Variants in BTLA observed in about 807,000 individuals in gnomAD.
BTLA encodes the protein B- and T-lymphocyte attenuator.
BTLA carries 11 observed loss-of-function variants against 25.0 expected under a neutral mutation model. The ratio of observed to expected loss-of-function variants is 0.44; its 90% CI spans 0.28 to 0.73. The LOEUF (loss-of-function observed/expected upper bound fraction) is 0.73, where lower values mean the gene tolerates loss of function less well. Ranked by LOEUF, BTLA falls within the 30% of genes least tolerant of loss-of-function variation. BTLA has a pLI of 0.15. For synonymous variants in BTLA, 104 were observed against 119.8 expected, an observed-to-expected ratio of 0.87 and a Z score of 0.86; for missense variants, 282 against 332.8, an observed-to-expected ratio of 0.85 and a Z score of 1.19.
chr3:112,475,056 GA>G (rs1430762786), intron 2 of BTLA, among the ~76,000 whole-genome samples: 1 of 152,200 alleles, frequency 6.6e-6, no homozygotes, highest in Non-Finnish European at 1.5e-5. Context: ...TAAAGACAAA[GA>G]GTCCAATCAT....
At chr3:112,489,650 C>T (rs374528210) in intron 1 of BTLA, among the ~76,000 whole-genome samples, 5 of 152,150 alleles carry the variant, frequency 3.3e-5, no homozygotes, top group African/African-American at 9.7e-5. Flanking sequence ...TGATTACTAA[C>T]GGTATAATAA....
At chr3:112,494,758 T>C (rs934622310) in intron 1 of BTLA, among the ~76,000 whole-genome samples, 12 of 151,152 alleles carry the variant, frequency 7.9e-5, no homozygotes, top group African/African-American at 2.7e-4. Context: ...TGTTGGGGAG[T>C]AGGGGGAGAG....
chr3:112,495,566 T>A (rs1398179553), intron 1 of BTLA, among the ~76,000 whole-genome samples: 1 of 152,238 alleles, frequency 6.6e-6, no homozygotes, highest in Non-Finnish European at 1.5e-5. Context: ...CATGCTTTAA[T>A]TCAAGAAGTC....
intron 2 of BTLA, among the ~76,000 whole-genome samples, chr3:112,477,043 CGT>C (rs1158747953): frequency 5.3e-5 from 8 of 152,054 alleles, no homozygotes; most frequent in Non-Finnish European, 8.8e-5. Context: ...AATAATATTC[CGT>C]GTGTGGATAA....
chr3:112,481,019 T>C (rs774069482), intron 1 of BTLA, among the ~76,000 whole-genome samples: 9 of 152,178 alleles, frequency 5.9e-5, no homozygotes, highest in Admixed American at 1.3e-4. Flanking sequence ...TTCCAAAATA[T>C]AGTGGTAGGA....
chr3:112,479,818 C>T (rs775441164), intron 1 of BTLA, 49 bp from the exon 2 acceptor site: 1 of 1,407,260 alleles, frequency 7.1e-7, no homozygotes, highest in Non-Finnish European at 9.7e-7. Context: ...TCTGGAAGTA[C>T]CATATATATG....
At position 112,464,360 on chromosome 3, in the gene BTLA, G is replaced by A. The variant is rs1484336146; in HGVS notation, c.*1748C>T. The A allele has an allele frequency of 2.6e-6, 1 of 384,412 alleles. No homozygotes were observed. Among genetic ancestry groups the A allele is most frequent in the Non-Finnish European group, 4.6e-6 (1 of 216,984 alleles). 23.8% of individuals were successfully genotyped at this position (384,412 alleles called of 1,614,324 possible). ...TCAATTTCGTGTGTTCATCTGATAA[G>A]AGGACAGCTAAATGTATCCTCCCCA... On this transcript the variant is annotated 3_prime_UTR_variant, in exon 5 of 5. Transcript: ENST00000334529.
At chr3:112,494,935 A>T (rs2082401169) in intron 1 of BTLA, among the ~76,000 whole-genome samples, 1 of 152,214 alleles carries the variant, frequency 6.6e-6, no homozygotes. Flanking sequence ...TTTATAGAAG[A>T]CTTTTGTGAA....
chr3:112,472,738 T>G (rs887774628), intron 2 of BTLA, among the ~76,000 whole-genome samples: 2 of 152,078 alleles, frequency 1.3e-5, no homozygotes, highest in African/African-American at 4.8e-5. Context: ...GTTATTTTGT[T>G]TGGCTAGATG....
At chr3:112,470,049 A>C (rs2082253891) in intron 3 of BTLA, 1 of 389,606 alleles carries the variant, frequency 2.6e-6, no homozygotes, top group African/African-American at 2.1e-5. Flanking sequence ...GGGATCTAGT[A>C]TATCACTTGG....
chr3:112,479,688 TC>T lies in BTLA; in HGVS notation c.169del (p.Glu57AsnfsTer4). 6.2e-7 allele frequency: 1 copy of T among 1,614,036 alleles called. No individual in the cohort carries two copies. On this transcript the variant is annotated frameshift_variant, in exon 2 of 5. Coordinates refer to ENST00000334529, the MANE Select transcript of BTLA (RefSeq NM_181780.4). LOFTEE classifies it high-confidence loss of function. Reference sequence around the variant, plus strand: ...GTTAGCACAGTATTTCACAGGGCATTCTAGTTCAAAGGGATCTCCTGCTAAG... The same window carrying T: ...GTTAGCACAGTATTTCACAGGGCATTTAGTTCAAAGGGATCTCCTGCTAAG... ...SILAGDPFELECPVKYCANRP... is the reference protein window; with the variant it reads ...SILAGDPFELXCPVKYCANRP...
rs2082214010 is a variant in BTLA at position 112,464,426 on chromosome 3, T to G, written c.*1682A>C. The G allele has an allele frequency of 3.0e-6, 1 of 329,640 alleles. No individual in the cohort carries two copies. Among genetic ancestry groups the G allele is most frequent in the African/African-American group, 2.1e-5 (1 of 47,414 alleles). The allele number at this position is 329,640 out of a possible 1,614,324, so 20.4% of individuals were successfully genotyped here. A position where few individuals can be genotyped will look rare whatever the true frequency, so the allele number is the denominator to read the frequency against. On this transcript the variant is annotated 3_prime_UTR_variant, in exon 5 of 5. Transcript: ENST00000334529. ...TTTTTAAGAATACCACAAGCAGCTATTCTAACATGTCTTTCTTACATAAGT... is the reference window on the plus strand; with the variant it reads ...TTTTTAAGAATACCACAAGCAGCTAGTCTAACATGTCTTTCTTACATAAGT...
intron 2 of BTLA, among the ~76,000 whole-genome samples, chr3:112,477,179 C>A (rs911633747): frequency 2.6e-5 from 4 of 152,024 alleles, no homozygotes; most frequent in Admixed American, 2.0e-4. Context: ...ATTTTAATTT[C>A]ATTTGAGTAT....
At chr3:112,466,515 A>C in intron 4 of BTLA, 132 bp from the exon 5 acceptor site, 2 of 771,788 alleles carry the variant, frequency 2.6e-6, no homozygotes, top group Non-Finnish European at 1.9e-6. Context: ...TTCCTCACAT[A>C]CTCTGCTGAC....
At chr3:112,496,520 G>C (rs969948626) in intron 1 of BTLA, among the ~76,000 whole-genome samples, 13 of 152,194 alleles carry the variant, frequency 8.5e-5, no homozygotes, top group South Asian at 4.1e-4. Context: ...ATCTTCAAAG[G>C]CTATCTTTAA....
intron 2 of BTLA, among the ~76,000 whole-genome samples, chr3:112,472,468 A>G (rs1162904829): frequency 6.6e-6 from 1 of 151,956 alleles, no homozygotes; most frequent in Non-Finnish European, 1.5e-5. Flanking sequence ...AGGCCGAGGT[A>G]GGCGGATCAC....
At chr3:112,473,365 A>C (rs1359490236) in intron 2 of BTLA, among the ~76,000 whole-genome samples, 1 of 152,024 alleles carries the variant, frequency 6.6e-6, no homozygotes. Flanking sequence ...AAGCTCACTG[A>C]AAGACTGTAA....
chr3:112,482,929 C>T (rs765948644), intron 1 of BTLA, among the ~76,000 whole-genome samples: 70 of 152,060 alleles, frequency 4.6e-4, no homozygotes, highest in Admixed American at 1.3e-3. Flanking sequence ...TCCAGAAGTC[C>T]GTTCCTCTCC....
chr3:112,469,633 A>AGAATATGTATATAC, intron 4 of BTLA, 125 bp downstream of exon 4: 1 of 52,700 alleles, frequency 1.9e-5, no homozygotes, highest in Non-Finnish European at 4.2e-5. Flanking sequence ...ATATATATAT[A>AGAATATGTATATAC]TATATATATA....
Sources: gnomAD v4.1 joint callset for allele counts (sites outside exome capture counted in the v4.1 genomes callset) on GRCh38, gnomAD v4.1.1 for gene constraint, MANE v1.5 for transcripts, NCBI Gene and HGNC (gene_info 2026-07-23, HGNC 2026-07-21) for gene names.